The following PRKG1 variants were observed in gnomAD, a reference collection of about 807,000 sequenced individuals.
PRKG1 encodes protein kinase cGMP-dependent 1, also known as cGMP-dependent protein kinase 1.
Under a neutral mutation model 88.1 loss-of-function variants are expected in PRKG1, and 35 were observed. The ratio of observed to expected loss-of-function variants is 0.40; its 90% CI spans 0.30 to 0.53. The LOEUF (loss-of-function observed/expected upper bound fraction) is 0.53, where lower values mean the gene tolerates loss of function less well. PRKG1 is among the 20% of genes least tolerant of loss of function. PRKG1 has a pLI of 0.59. For missense variants in PRKG1, 540 were observed against 839.8 expected (o/e 0.64, Z 4.41); for synonymous variants, 303 against 292.5 (o/e 1.04, Z -0.37).
At chr10:52,164,295 G>A (rs930155599) in intron 9 of PRKG1, among the ~76,000 whole-genome samples, 10 of 151,904 alleles carry the variant, frequency 6.6e-5, no homozygotes, top group African/African-American at 2.4e-4. Flanking sequence ...AGGTTGCCGT[G>A]AGCCAAGACC....
chr10:52,189,529 A>G (rs1564509789), intron 9 of PRKG1, among the ~76,000 whole-genome samples: 1 of 152,180 alleles, frequency 6.6e-6, no homozygotes, highest in Non-Finnish European at 1.5e-5. Flanking sequence ...AGCAAACCCT[A>G]TTGTGAAATG....
chr10:51,239,554 C>T (rs951923768), intron 2 of PRKG1, among the ~76,000 whole-genome samples: 1 of 152,146 alleles, frequency 6.6e-6, no homozygotes, highest in Admixed American at 6.5e-5. Context: ...TTAAAAATAT[C>T]TTTACATGTT....
At chr10:52,087,355 C>T (rs148484036) in intron 7 of PRKG1, among the ~76,000 whole-genome samples, 4 of 152,252 alleles carry the variant, frequency 2.6e-5, no homozygotes, top group Middle Eastern at 3.4e-3. Flanking sequence ...CATTTCCCTA[C>T]AGGACTTTTG....
At chr10:51,783,741 T>G (rs1233854178) in intron 3 of PRKG1, among the ~76,000 whole-genome samples, 2 of 152,116 alleles carry the variant, frequency 1.3e-5, no homozygotes, top group African/African-American at 4.8e-5. Flanking sequence ...TTTGATTACC[T>G]CTCAAGTTTG....
chr10:51,963,133 G>T (rs536754582), intron 5 of PRKG1, among the ~76,000 whole-genome samples: 1 of 152,178 alleles, frequency 6.6e-6, no homozygotes, highest in Non-Finnish European at 1.5e-5. Flanking sequence ...TTAACTGGCG[G>T]ATTTCTAAAA....
chr10:52,156,550 T>C (rs1838105504), intron 8 of PRKG1, among the ~76,000 whole-genome samples: 1 of 151,828 alleles, frequency 6.6e-6, no homozygotes, highest in South Asian at 2.1e-4. Flanking sequence ...AATGGATGGA[T>C]AACTGGGAAA....
chr10:52,266,315 C>T (rs1003580688), intron 10 of PRKG1, among the ~76,000 whole-genome samples: 28 of 151,586 alleles, frequency 1.8e-4, no homozygotes, highest in African/African-American at 6.5e-4. Context: ...CAACCCATCG[C>T]CTGGTATTAA....
intron 2 of PRKG1, among the ~76,000 whole-genome samples, chr10:51,423,454 C>A (rs1034801057): frequency 1.3e-5 from 2 of 152,150 alleles, no homozygotes; most frequent in Non-Finnish European, 2.9e-5. Context: ...ATCCTGTCTC[C>A]TTTTCCCTAT....
intron 3 of PRKG1, among the ~76,000 whole-genome samples, chr10:51,721,430 T>C (rs1056798148): frequency 3.3e-5 from 5 of 152,158 alleles, no homozygotes; most frequent in Middle Eastern, 6.3e-3. Context: ...TTTTGGAGAA[T>C]GTTCCTCAGT....
chr10:52,284,804 A>G (rs1412880331), intron 14 of PRKG1, among the ~76,000 whole-genome samples: 15 of 152,086 alleles, frequency 9.9e-5, no homozygotes, highest in Admixed American at 9.8e-4. Context: ...AAATGTACCA[A>G]TTCTGCCTTT....
intron 6 of PRKG1, among the ~76,000 whole-genome samples, chr10:52,058,014 T>C (rs1354700315): frequency 6.6e-6 from 1 of 151,942 alleles, no homozygotes; most frequent in Non-Finnish European, 1.5e-5. Flanking sequence ...GAAACAGTAA[T>C]TATTTATACA....
At chr10:51,331,487 C>T (rs1162541261) in intron 2 of PRKG1, among the ~76,000 whole-genome samples, 1 of 152,120 alleles carries the variant, frequency 6.6e-6, no homozygotes, top group Non-Finnish European at 1.5e-5. Flanking sequence ...TGTTGGGGTC[C>T]AAGGCAAAGT....
intron 5 of PRKG1, among the ~76,000 whole-genome samples, chr10:51,976,639 CAT>C (rs371190492): frequency 1.6e-4 from 24 of 151,908 alleles, no homozygotes; most frequent in Non-Finnish European, 2.1e-4. Context: ...CTAATTGTCA[CAT>C]GTTTTCTTTT....
intron 2 of PRKG1, among the ~76,000 whole-genome samples, chr10:51,418,980 T>A (rs1302703969): frequency 6.6e-6 from 1 of 152,196 alleles, no homozygotes; most frequent in East Asian, 1.9e-4. Context: ...AATATTTTTT[T>A]CAGTATTCAA....
intron 3 of PRKG1, among the ~76,000 whole-genome samples, chr10:51,514,948 C>T (rs1049697144): frequency 1.2e-4 from 18 of 152,096 alleles, no homozygotes; most frequent in Non-Finnish European, 2.4e-4. Context: ...CTGTCCTGTG[C>T]ATTGTGGGAT....
chr10:52,043,848 TG>T (rs1222577210), intron 5 of PRKG1, among the ~76,000 whole-genome samples: 12 of 138,852 alleles, frequency 8.6e-5, no homozygotes, highest in South Asian at 2.3e-4. Flanking sequence ...TAAAAAATTT[TG>T]GAAAAAAAAA....
At chr10:51,582,353 T>C (rs932861817) in intron 3 of PRKG1, among the ~76,000 whole-genome samples, 9 of 152,154 alleles carry the variant, frequency 5.9e-5, no homozygotes, top group African/African-American at 2.2e-4. Flanking sequence ...AGGGCACATG[T>C]GCAAGATGCA....
At chr10:51,757,494 G>C (rs575462752) in intron 3 of PRKG1, among the ~76,000 whole-genome samples, 14 of 152,254 alleles carry the variant, frequency 9.2e-5, no homozygotes, top group African/African-American at 3.4e-4. Flanking sequence ...AAGGTAGTTT[G>C]CCCTAGGATC....
intron 2 of PRKG1, among the ~76,000 whole-genome samples, chr10:51,165,936 A>G (rs1022201068): frequency 6.6e-6 from 1 of 152,088 alleles, no homozygotes; most frequent in Non-Finnish European, 1.5e-5. Flanking sequence ...TTAATAGCCT[A>G]TTGTAATAAC....
Sources: allele counts gnomAD v4.1 joint callset (sites outside exome capture counted in the v4.1 genomes callset), GRCh38; gene constraint gnomAD v4.1.1; transcripts MANE v1.5; gene names NCBI Gene and HGNC (gene_info 2026-07-23, HGNC 2026-07-21).